SOAT1: variants seen among roughly 807,000 people sequenced by gnomAD.
SOAT1 encodes sterol O-acyltransferase 1.
In SOAT1, 55 loss-of-function variants were observed where a neutral mutation model predicts 69.5. That is an observed-to-expected ratio of 0.79 (90% CI 0.64 to 0.99). The LOEUF (loss-of-function observed/expected upper bound fraction) is 0.99. Ranked by LOEUF, SOAT1 falls within the 50% of genes least tolerant of loss-of-function variation. The probability of loss-of-function intolerance (pLI) is 0.00; values close to 1 mark genes in which losing one functional copy is unlikely to be tolerated. For synonymous variants in SOAT1, 231 were observed against 224.7 expected, an observed-to-expected ratio of 1.03 and a Z score of -0.25; for missense variants, 580 against 669.3, an observed-to-expected ratio of 0.87 and a Z score of 1.47.
intron 5 of SOAT1, 126 bp from the exon 6 acceptor site, chr1:179,339,312 T>G: frequency 2.0e-6 from 1 of 509,790 alleles, no homozygotes; most frequent in Non-Finnish European, 3.3e-6. Flanking sequence ...TTTTTTGAGA[T>G]GTTTTTGGAG....
chr1:179,353,487 A>G, intron 15 of SOAT1, 98 bp from the exon 16 acceptor site: 1 of 1,025,970 alleles, frequency 9.7e-7, no homozygotes, highest in Non-Finnish European at 1.5e-6. Flanking sequence ...GGCATTTTAG[A>G]GATGTACAAT....
chr1:179,334,751 T>C (rs1964175), intron 3 of SOAT1, among the ~76,000 whole-genome samples: 75,640 of 151,862 alleles, frequency 0.5, 19,784 homozygotes, highest in East Asian at 0.84. Context: ...TGCGGTGGCT[T>C]GTGCCTGTAA....
At chr1:179,326,850 G>T (rs372766416) in intron 3 of SOAT1, among the ~76,000 whole-genome samples, 18 of 152,126 alleles carry the variant, frequency 1.2e-4, no homozygotes, top group African/African-American at 4.1e-4. Flanking sequence ...ATGAGCCACC[G>T]CACCCAGCCA....
At chr1:179,349,619 G>C (rs929757052) in intron 13 of SOAT1, among the ~76,000 whole-genome samples, 1 of 152,136 alleles carries the variant, frequency 6.6e-6, no homozygotes, top group Admixed American at 6.5e-5. Context: ...GAGCCACCGT[G>C]CCCGGGTGAG....
At chr1:179,339,650 T>C in intron 6 of SOAT1, 105 bp downstream of exon 6, 1 of 616,766 alleles carries the variant, frequency 1.6e-6, no homozygotes, top group Non-Finnish European at 2.7e-6. Flanking sequence ...CAGGAAATCC[T>C]AAAGCAGCAG....
At chr1:179,343,016 G>T in intron 9 of SOAT1, 73 bp downstream of exon 9, 1 of 1,141,724 alleles carries the variant, frequency 8.8e-7, no homozygotes, top group South Asian at 1.2e-5. Context: ...TAGGTAAACA[G>T]GGGCCAGTTC....
At chr1:179,351,720 A>ATTTTTTTTTTTTTTTTTTTTT (rs1558061106) in intron 15 of SOAT1, among the ~76,000 whole-genome samples, 17 of 43,468 alleles carry the variant, frequency 3.9e-4, no homozygotes, top group African/African-American at 1.6e-3. Flanking sequence ...AGCCCCTTCT[A>ATTTTTTTTTTTTTTTTTTTTT]ATTTTTTTTT....
At chr1:179,331,108 G>A (rs1006468958) in intron 3 of SOAT1, among the ~76,000 whole-genome samples, 4 of 152,184 alleles carry the variant, frequency 2.6e-5, no homozygotes, top group Non-Finnish European at 5.9e-5. Context: ...CTATGCAAGT[G>A]TGACTATACA....
intron 6 of SOAT1, 103 bp from the exon 7 acceptor site, chr1:179,340,925 T>G (rs933514496): frequency 9.8e-7 from 1 of 1,019,506 alleles, no homozygotes; most frequent in African/African-American, 1.6e-5. Context: ...TTGTGGTGTT[T>G]CCTAAGGTTG....
intron 11 of SOAT1, among the ~76,000 whole-genome samples, chr1:179,346,468 G>A (rs1457598042): frequency 2.0e-5 from 3 of 152,132 alleles, no homozygotes; most frequent in Non-Finnish European, 4.4e-5. Context: ...TTGAAAAATA[G>A]GTAGGTATTT....
chr1:179,302,628 CA>C (rs1558035811), intron 1 of SOAT1, 48 bp from the exon 2 acceptor site: 1 of 1,132,538 alleles, frequency 8.8e-7, no homozygotes, highest in East Asian at 2.4e-5. Flanking sequence ...TAGTGTATAG[CA>C]GTGTGAAAAC....
chr1:179,344,999 C>T lies in SOAT1; in HGVS notation c.1040C>T (p.Pro347Leu). The change falls in exon 11 of 16, where the codon CCC (proline) becomes CTC (leucine). Residue 347 changes from proline (P) to leucine (L), a missense_variant. By Grantham distance (98) the Pro-to-Leu change is moderately conservative. Coordinates refer to ENST00000367619, the MANE Select transcript of SOAT1 (RefSeq NM_003101.6). The part of the protein sequence containing the change: ...VYYIFERLCA[P>L]LFRNIKQEPF... ...TACATCTTTGAAAGGCTTTGTGCCC[C>T]CTTGTTTCGGAATATCAAACAGGAG... is the stretch of plus-strand genomic sequence containing the variant. The T allele has an allele frequency of 6.2e-7, 1 of 1,613,952 alleles. No individual in the cohort carries two copies.
At chr1:179,320,809 C>T (rs980133552) in intron 2 of SOAT1, among the ~76,000 whole-genome samples, 2 of 152,054 alleles carry the variant, frequency 1.3e-5, no homozygotes, top group African/African-American at 4.8e-5. Flanking sequence ...AATCTCAGCT[C>T]ACTGCAGCTT....
At chr1:179,305,253 G>GT (rs1322547163) in intron 2 of SOAT1, among the ~76,000 whole-genome samples, 1 of 151,954 alleles carries the variant, frequency 6.6e-6, no homozygotes, top group Non-Finnish European at 1.5e-5. Context: ...TGTTTGTTTG[G>GT]TTTTTTGATT....
chr1:179,351,563 G>T (rs544334552), intron 15 of SOAT1, 101 bp downstream of exon 15: 2 of 1,070,356 alleles, frequency 1.9e-6, no homozygotes, highest in African/African-American at 1.6e-5. Flanking sequence ...AGATTATGAT[G>T]AATTAGTGTT....
rs74893131 is a variant in SOAT1 at position 179,306,289 on chromosome 1, C to T, written c.118+3487C>T. ...TGGGTAGTGGCCCTTGCTGGGGACCCTCCAGTGGGCCCAGGAGGACAAAAG... is the reference window on the plus strand; with the variant it reads ...TGGGTAGTGGCCCTTGCTGGGGACCTTCCAGTGGGCCCAGGAGGACAAAAG... On this transcript the variant is annotated intron_variant, in intron 2 of 15. Transcript: ENST00000367619. 1.8e-3 allele frequency among the ~76,000 whole-genome samples: 280 copies of T among 152,246 alleles called. 4 individuals are homozygous for T. Among genetic ancestry groups the T allele is most frequent in the African/African-American group, 6.2e-3 (256 of 41,548 alleles).
chr1:179,303,809 G>A (rs1265917766), intron 2 of SOAT1, among the ~76,000 whole-genome samples: 4 of 152,204 alleles, frequency 2.6e-5, no homozygotes, highest in African/African-American at 4.8e-5. Context: ...TTCTCCTTCC[G>A]TGATTTAGGG....
intron 11 of SOAT1, 89 bp from the exon 12 acceptor site, chr1:179,347,511 C>A: frequency 1.4e-6 from 1 of 716,112 alleles, no homozygotes; most frequent in Non-Finnish European, 2.4e-6. Context: ...ACAAAATAAT[C>A]CCAGCTAAAT....
At position 179,356,705 on chromosome 1, in the gene SOAT1, T is replaced by A. The variant is rs974909957; in HGVS notation, c.*3064T>A. 6.6e-5 allele frequency: 10 copies of A among 152,104 alleles called. No homozygotes were observed. Among genetic ancestry groups the A allele is most frequent in the African/African-American group, 2.4e-4 (10 of 41,392 alleles). 9.4% of individuals were successfully genotyped at this position (152,104 alleles called of 1,614,324 possible). A position where few individuals can be genotyped will look rare whatever the true frequency, so the allele number is the denominator to read the frequency against. ...TGGAAGATAGCTCATACTTTGTTTTTGTTTTTAAAGAGACAGGGTCTCACT... is the reference window on the plus strand; with the variant it reads ...TGGAAGATAGCTCATACTTTGTTTTAGTTTTTAAAGAGACAGGGTCTCACT... On this transcript the variant is annotated 3_prime_UTR_variant, in exon 16 of 16. Coordinates refer to ENST00000367619, the MANE Select transcript of SOAT1 (RefSeq NM_003101.6).
Sources: allele counts gnomAD v4.1 joint callset (sites outside exome capture counted in the v4.1 genomes callset), GRCh38; gene constraint gnomAD v4.1.1; transcripts MANE v1.5; gene names NCBI Gene and HGNC (gene_info 2026-07-23, HGNC 2026-07-21).